Variants in PCP4 observed in about 807,000 individuals in gnomAD.
PCP4 encodes calmodulin regulator protein PCP4.
Under a neutral mutation model 10.0 loss-of-function variants are expected in PCP4, and 8 were observed. The ratio of observed to expected loss-of-function variants is 0.80; its 90% confidence interval spans 0.47 to 1.45. The LOEUF (loss-of-function observed/expected upper bound fraction) is 1.45. Among genes scored for constraint, PCP4 ranks in the 40% most tolerant of loss-of-function variants. PCP4 has a pLI of 0.00. For synonymous variants in PCP4, 21 were observed against 23.0 expected (o/e 0.91, Z 0.24); for missense variants, 54 against 74.4 (o/e 0.73, Z 1.01).
rs148813757 is a variant in PCP4, at chr21:39,886,845, A to C, written c.10-11631A>C. ...GAGACTATATATATGTCCACCTATA[A>C]GAAGATGAAAAGAAAATATTCTGAA... On this transcript the variant is annotated intron_variant, in intron 1 of 2. Coordinates refer to ENST00000328619, the MANE Select transcript of PCP4 (RefSeq NM_006198.3). Among the ~76,000 whole-genome samples, 258 of 152,352 alleles carry C rather than the reference A, an allele frequency of 1.7e-3. 3 individuals carry two copies. Among genetic ancestry groups the C allele is most frequent in the African/African-American group, 6.0e-3 (250 of 41,574 alleles).
chr21:39,873,149 C>G (rs989179896), intron 1 of PCP4, among the ~76,000 whole-genome samples: 1 of 152,078 alleles, frequency 6.6e-6, no homozygotes, highest in Admixed American at 6.5e-5. Context: ...GCCAGAGAGG[C>G]AGAGCCTGTG....
In PCP4 at chr21:39,906,144, G is replaced by A. The variant is rs2087507940; in HGVS notation, c.61+7617G>A. Reference sequence around the variant, plus strand: ...CAGGCAAAGTTGCTGGTGAACTCAGGATTGTCCTAAGGTCACATAAATAAG... The same window carrying A: ...CAGGCAAAGTTGCTGGTGAACTCAGAATTGTCCTAAGGTCACATAAATAAG... On this transcript the variant is annotated intron_variant, in intron 2 of 2. Transcript: ENST00000328619. This position sits in a 1 kb window ranked among gnomAD's most constrained non-coding sequence, Gnocchi z 6.3. 6.6e-6 allele frequency among the ~76,000 whole-genome samples: 1 copy of A among 152,216 alleles called. No individual in the cohort carries two copies. The highest frequency in any genetic ancestry group is 2.1e-4 in the South Asian group (1 of 4,830).
intron 1 of PCP4, among the ~76,000 whole-genome samples, chr21:39,880,662 C>T (rs1395275079): frequency 1.3e-5 from 2 of 152,200 alleles, no homozygotes; most frequent in East Asian, 1.9e-4. Flanking sequence ...CTTTGGTCCT[C>T]ACTTCTTCTT....
At chr21:39,901,405 TA>T (rs756177883) in intron 2 of PCP4, among the ~76,000 whole-genome samples, 1 of 152,352 alleles carries the variant, frequency 6.6e-6, no homozygotes. Context: ...AAGCCAGGAC[TA>T]GGTCCTATGT....
In PCP4 at chr21:39,867,473, C is replaced by T; in HGVS notation, c.-29C>T. The T allele has an allele frequency of 1.2e-6, 2 of 1,613,766 alleles. No homozygotes were observed. The highest frequency in any genetic ancestry group is 8.5e-7 in the Non-Finnish European group (1 of 1,179,730). On this transcript the variant is annotated 5_prime_UTR_variant, in exon 1 of 3. Coordinates refer to ENST00000328619, the MANE Select transcript of PCP4 (RefSeq NM_006198.3). Reference sequence around the variant, plus strand: ...GAGCAGTGTTCTCTGTGCTGAGCGGCGGGACTGAGCTGTTGAGTTAGAGCC... The same window carrying T: ...GAGCAGTGTTCTCTGTGCTGAGCGGTGGGACTGAGCTGTTGAGTTAGAGCC...
intron 1 of PCP4, among the ~76,000 whole-genome samples, chr21:39,895,150 T>TCCAA (rs1568855049): frequency 6.6e-6 from 1 of 151,886 alleles, no homozygotes; most frequent in African/African-American, 2.4e-5. Context: ...CTTCCATCCA[T>TCCAA]CCATCCATCC....
At chr21:39,910,823 G>C (rs1601185456) in intron 2 of PCP4, among the ~76,000 whole-genome samples, 1 of 152,190 alleles carries the variant, frequency 6.6e-6, no homozygotes, top group African/African-American at 2.4e-5. Flanking sequence ...TGGCCTGAAG[G>C]CCTGCCAATA....
intron 1 of PCP4, among the ~76,000 whole-genome samples, chr21:39,888,584 C>T (rs1049316478): frequency 6.6e-6 from 1 of 152,210 alleles, no homozygotes; most frequent in African/African-American, 2.4e-5. Context: ...GGCACACCTC[C>T]CTCAAGAGCT....
At chr21:39,927,801 C>G (rs2087632138) in intron 2 of PCP4, among the ~76,000 whole-genome samples, 1 of 152,156 alleles carries the variant, frequency 6.6e-6, no homozygotes. Context: ...ATTCTGGCCA[C>G]ACCTGAGAGT....
intron 1 of PCP4, among the ~76,000 whole-genome samples, chr21:39,884,044 C>G (rs1237276012): frequency 1.3e-5 from 2 of 152,144 alleles, no homozygotes; most frequent in Non-Finnish European, 2.9e-5. Flanking sequence ...TGCTGGGGAC[C>G]AGGGCTGGGA....
At chr21:39,925,642 G>A (rs1004004537) in intron 2 of PCP4, among the ~76,000 whole-genome samples, 2 of 152,140 alleles carry the variant, frequency 1.3e-5, no homozygotes, top group Non-Finnish European at 2.9e-5. Context: ...ACATATTCGG[G>A]GAATGTCCTC....
chr21:39,928,875 C>T, intron 2 of PCP4, 109 bp from the exon 3 acceptor site: 2 of 1,045,226 alleles, frequency 1.9e-6, no homozygotes, highest in South Asian at 3.0e-5. Context: ...AGTTAAGCCC[C>T]TGTGTGTGCC....
intron 1 of PCP4, among the ~76,000 whole-genome samples, chr21:39,892,571 T>A (rs2087437983): frequency 6.6e-6 from 1 of 152,170 alleles, no homozygotes; most frequent in South Asian, 2.1e-4. Context: ...TTTTTAAGTT[T>A]TAATTTTTGT....
At chr21:39,873,429 G>A (rs1010402508) in intron 1 of PCP4, among the ~76,000 whole-genome samples, 3 of 151,932 alleles carry the variant, frequency 2.0e-5, no homozygotes, top group Non-Finnish European at 4.4e-5. Context: ...ATAAATAATT[G>A]ATATTTGAAT....
chr21:39,867,508 G>A lies in PCP4; in HGVS notation c.7G>A (p.Glu3Lys). 1 of 1,614,178 alleles carries A rather than the reference G, an allele frequency of 6.2e-7. No individual in the cohort carries two copies. ...CTGTTGAGTTAGAGCCAACATGAGT[G>A]AGGTGAGTGATGCTTCGACCTGGAG... is the stretch of plus-strand genomic sequence containing the variant. The part of the protein sequence containing the change: MS[E>K]RQGAGATNGK... The change falls in exon 1 of 3, where the codon GAG (glutamate) becomes AAG (lysine). Residue 3 changes from glutamate (E) to lysine (K), a missense_variant and splice_region_variant. Glu to Lys is a moderately conservative substitution (Grantham distance 56). Transcript: ENST00000328619.
At chr21:39,877,391 T>G (rs1028761748) in intron 1 of PCP4, among the ~76,000 whole-genome samples, 7 of 151,962 alleles carry the variant, frequency 4.6e-5, no homozygotes, top group Admixed American at 1.3e-4. Flanking sequence ...TGTGGAATGT[T>G]TCATTAAGAC....
At chr21:39,902,025 T>C (rs1364768391) in intron 2 of PCP4, among the ~76,000 whole-genome samples, 4 of 152,202 alleles carry the variant, frequency 2.6e-5, no homozygotes, top group African/African-American at 7.2e-5. Context: ...GAATTTCCAT[T>C]TTAACCTAGT....
At chr21:39,924,885 G>A (rs1601190417) in intron 2 of PCP4, among the ~76,000 whole-genome samples, 1 of 152,196 alleles carries the variant, frequency 6.6e-6, no homozygotes, top group Non-Finnish European at 1.5e-5. Context: ...CTCTGTTCTA[G>A]GCAAGAAGAG....
intron 2 of PCP4, among the ~76,000 whole-genome samples, chr21:39,909,641 G>A (rs181418413): frequency 1.5e-4 from 23 of 152,162 alleles, no homozygotes; most frequent in Admixed American, 9.2e-4. Context: ...TGGGTGTGCC[G>A]GGAGGAGGAA....
Sources: gnomAD v4.1 joint callset for allele counts (sites outside exome capture counted in the v4.1 genomes callset) on GRCh38, gnomAD v4.1.1 for gene constraint, Gnocchi (gnomAD v3.1) non-coding constraint, MANE v1.5 for transcripts, NCBI Gene and HGNC (gene_info 2026-07-23, HGNC 2026-07-21) for gene names.